The following UBR3 variants were observed in gnomAD, a reference collection of about 807,000 sequenced individuals.
UBR3 encodes ubiquitin protein ligase E3 component n-recognin 3, also known as E3 ubiquitin-protein ligase UBR3.
UBR3 carries 85 observed loss-of-function variants against 243.2 expected under a neutral mutation model. That is an observed-to-expected ratio of 0.35 (90% CI 0.29 to 0.42). UBR3 has a LOEUF of 0.42. Ranked by LOEUF, UBR3 falls within the 10% of genes least tolerant of loss-of-function variation. The pLI, the probability that UBR3 is intolerant of heterozygous loss-of-function variation, is 1.00. For missense variants in UBR3, 1,686 were observed against 2,300.8 expected (o/e 0.73, Z 5.47); for synonymous variants, 748 against 799.8 (o/e 0.94, Z 1.09).
At chr2:169,933,082 A>G (rs761903446) in intron 19 of UBR3, 74 bp downstream of exon 19, 55 of 975,240 alleles carry the variant, frequency 5.6e-5, no homozygotes, top group Non-Finnish European at 8.0e-5. Flanking sequence ...GATAACACAG[A>G]TATGATATGC....
At chr2:170,040,825 T>C (rs2090949160) in intron 31 of UBR3, 57 bp from the exon 32 acceptor site, 1 of 1,288,484 alleles carries the variant, frequency 7.8e-7, no homozygotes. Context: ...ACATATAAAA[T>C]AAATTAGAAA....
At position 169,828,038 on chromosome 2, in the gene UBR3, G is replaced by A. The variant is rs79036304; in HGVS notation, c.531G>A (p.Val177=). 0.028 allele frequency: 39,487 copies of A among 1,387,426 alleles called. 1,100 individuals are homozygous for A. Among genetic ancestry groups the A allele is most frequent in the African/African-American group, 0.15 (9,725 of 66,802 alleles). 85.9% of individuals were successfully genotyped at this position (1,387,426 alleles called of 1,614,324 possible). The change falls in exon 1 of 39, where the codon GTG becomes GTA. Residue 177 remains valine, a synonymous_variant. Transcript: ENST00000272793. ...GGACDCGDSN[V]MRESGFCKRH... is the part of the protein sequence containing the mutation. ...CCTGCGACTGCGGGGACAGCAACGTGATGCGGGAGAGCGGGTGAGTGGAGC... is the reference window on the plus strand; with the variant it reads ...CCTGCGACTGCGGGGACAGCAACGTAATGCGGGAGAGCGGGTGAGTGGAGC...
intron 2 of UBR3, among the ~76,000 whole-genome samples, chr2:169,873,209 A>G (rs2083487519): frequency 6.6e-6 from 1 of 152,116 alleles, no homozygotes; most frequent in African/African-American, 2.4e-5. Flanking sequence ...TTCATCTTCT[A>G]TCTCCATCCT....
Position 169,923,973 on chromosome 2 carries a change from C to T in UBR3, c.1911C>T (p.Tyr637=), listed in dbSNP as rs1375272098. ...CTTTTCATCTGCCACTACATCGTTA[C>T]TATGCTATGTTTTTGAGTAAGGTAA... ...QVTFHLPLHR[Y]YAMFLSKAVK... The change falls in exon 12 of 39, where the codon TAC becomes TAT. Residue 637 remains tyrosine (Y), a synonymous_variant. Transcript: ENST00000272793. The T allele has an allele frequency of 1.9e-6, 3 of 1,546,960 alleles. No individual in the cohort carries two copies. The South Asian group carries it at 3.6e-5, about 19-fold the overall frequency.
intron 1 of UBR3, among the ~76,000 whole-genome samples, chr2:169,832,934 GA>G (rs140979216): frequency 0.049 from 6,962 of 141,624 alleles, 174 homozygotes; most frequent in Middle Eastern, 0.072. Context: ...ACTCCATCTG[GA>G]AAAAAAAAAA....
intron 1 of UBR3, among the ~76,000 whole-genome samples, chr2:169,867,139 A>G (rs1037012249): frequency 2.6e-5 from 4 of 152,210 alleles, no homozygotes; most frequent in African/African-American, 9.7e-5. Context: ...TATAAAATTC[A>G]AACATTATAC....
At chr2:169,834,714 T>C (rs1379571260) in intron 1 of UBR3, among the ~76,000 whole-genome samples, 1 of 152,212 alleles carries the variant, frequency 6.6e-6, no homozygotes, top group Non-Finnish European at 1.5e-5. Flanking sequence ...TTTAAAAATA[T>C]TTGAGTATGC....
At chr2:170,058,163 T>G (rs757706738) in intron 33 of UBR3, among the ~76,000 whole-genome samples, 13 of 152,194 alleles carry the variant, frequency 8.5e-5, no homozygotes, top group Non-Finnish European at 1.6e-4. Context: ...CACTTCCTTC[T>G]TTACGTCTTC....
At chr2:170,023,411 ATTT>A (rs35819029) in intron 30 of UBR3, among the ~76,000 whole-genome samples, 3 of 146,926 alleles carry the variant, frequency 2.0e-5, no homozygotes, top group East Asian at 2.0e-4. Context: ...ATTTATGAAA[ATTT>A]TTTTTTTTTT....
chr2:170,075,913 GA>G (rs35290980), intron 36 of UBR3, among the ~76,000 whole-genome samples: 78,443 of 137,230 alleles, frequency 0.57, 21,449 homozygotes, highest in Non-Finnish European at 0.65. Flanking sequence ...AACTATGACA[GA>G]AAAAAAAAAA....
intron 1 of UBR3, among the ~76,000 whole-genome samples, chr2:169,836,061 ATATATATTTTTTTTTT>A (rs1319210927): frequency 1.2e-4 from 4 of 33,990 alleles, no homozygotes; most frequent in Non-Finnish European, 1.9e-4. Flanking sequence ...ATATATATAT[ATATATATTTTTTTTTT>A]TTTTTTTTTT....
intron 5 of UBR3, among the ~76,000 whole-genome samples, chr2:169,882,122 AT>A (rs1447731803): frequency 7.7e-6 from 1 of 129,196 alleles, no homozygotes; most frequent in South Asian, 2.2e-4. Flanking sequence ...ATATATGTAT[AT>A]TATATACATA....
intron 35 of UBR3, among the ~76,000 whole-genome samples, chr2:170,070,323 C>G (rs2091670649): frequency 6.6e-6 from 1 of 152,068 alleles, no homozygotes; most frequent in African/African-American, 2.4e-5. Context: ...AAAACACTCA[C>G]AAGGCTAGGA....
Position 169,924,121 on chromosome 2 carries a change from T to C in UBR3, c.1970T>C (p.Leu657Ser). ...CAAGAACTAGATTTGGATTCTGTTTTACCAGATCAGGAAATGTTAATGAAA... is the reference window on the plus strand; with the variant it reads ...CAAGAACTAGATTTGGATTCTGTTTCACCAGATCAGGAAATGTTAATGAAA... Reference protein sequence around the residue: ...KCQELDLDSVLPDQEMLMKLM... With the variant: ...KCQELDLDSVSPDQEMLMKLM... Residue 657 changes from leucine to serine, a missense_variant, in exon 13 of 39, where the codon TTA becomes TCA. Coordinates refer to ENST00000272793, the MANE Select transcript of UBR3 (RefSeq NM_172070.4). 1.3e-6 allele frequency: 2 copies of C among 1,548,832 alleles called. No individual in the cohort carries two copies. Among genetic ancestry groups the C allele is most frequent in the Non-Finnish European group, 1.7e-6 (2 of 1,146,192 alleles).
At chr2:169,906,759 T>C (rs979334880) in intron 10 of UBR3, among the ~76,000 whole-genome samples, 5 of 152,254 alleles carry the variant, frequency 3.3e-5, no homozygotes, top group Admixed American at 2.0e-4. Context: ...CCCTGGGTTC[T>C]AGTTTTGACT....
chr2:169,971,635 T>G (rs2088150354), intron 24 of UBR3, among the ~76,000 whole-genome samples: 1 of 152,168 alleles, frequency 6.6e-6, no homozygotes, highest in Non-Finnish European at 1.5e-5. Flanking sequence ...CAGATAGTTG[T>G]AGATATGCAG....
Position 170,037,657 on chromosome 2 carries a change from G to A in UBR3, c.4557-3225G>A, listed in dbSNP as rs190483145. The stretch of plus-strand genomic sequence containing the variant: ...CCCACCTTGGCCTCCCTAAGTGTTG[G>A]GATTACAGGCGTGAGCCACTGCATC... On this transcript the variant is annotated intron_variant, in intron 31 of 38. Coordinates refer to ENST00000272793, the MANE Select transcript of UBR3 (RefSeq NM_172070.4). Among the ~76,000 whole-genome samples, 581 of 152,136 alleles carry A rather than the reference G, an allele frequency of 3.8e-3. 4 individuals are homozygous for A. Among genetic ancestry groups the A allele is most frequent in the African/African-American group, 0.013 (553 of 41,520 alleles).
At chr2:169,881,919 A>ATACATATATGTATATGTG (rs1559053705) in intron 5 of UBR3, among the ~76,000 whole-genome samples, 6 of 93,244 alleles carry the variant, frequency 6.4e-5, no homozygotes, top group Admixed American at 2.5e-4. Context: ...ATGTATATGT[A>ATACATATATGTATATGTG]TACATGTATA....
At chr2:170,013,027 T>C (rs1479376019) in intron 29 of UBR3, among the ~76,000 whole-genome samples, 1 of 151,980 alleles carries the variant, frequency 6.6e-6, no homozygotes, top group Non-Finnish European at 1.5e-5. Flanking sequence ...TTTCGCCTCT[T>C]TTTTTTCTTC....
Sources: allele counts gnomAD v4.1 joint callset (sites outside exome capture counted in the v4.1 genomes callset), GRCh38; gene constraint gnomAD v4.1.1; transcripts MANE v1.5; gene names NCBI Gene and HGNC (gene_info 2026-07-23, HGNC 2026-07-21).